The following HMGCLL1 variants were observed in gnomAD, a reference collection of about 807,000 sequenced individuals.
HMGCLL1 encodes 3-hydroxymethyl-3-methylglutaryl-CoA lyase, cytoplasmic.
A neutral mutation model predicts 39.1 loss-of-function variants in HMGCLL1; 36 were observed. The ratio of observed to expected loss-of-function variants is 0.92; its 90% CI spans 0.71 to 1.22. The LOEUF (loss-of-function observed/expected upper bound fraction) is 1.22, where lower values mean the gene tolerates loss of function less well. Ranked by LOEUF, HMGCLL1 falls within the 50% of genes most tolerant of loss-of-function variation. The probability of loss-of-function intolerance (pLI) is 0.00; values close to 1 mark genes in which losing one functional copy is unlikely to be tolerated. For missense variants in HMGCLL1, 451 were observed against 416.5 expected (o/e 1.08, Z -0.72); for synonymous variants, 149 against 144.0 (o/e 1.03, Z -0.25).
the HMGCLL1 span, among the ~76,000 whole-genome samples, chr6:55,613,172 C>T: frequency 6.6e-6 from 1 of 152,102 alleles, no homozygotes; most frequent in East Asian, 1.9e-4. Context: ...GACATTTATG[C>T]AGCCAATAGA....
At chr6:55,617,314 T>C in the HMGCLL1 span, among the ~76,000 whole-genome samples, 1 of 152,056 alleles carries the variant, frequency 6.6e-6, no homozygotes, top group Admixed American at 6.6e-5. Flanking sequence ...ACCAGCTCAT[T>C]TGGGAAGACA....
chr6:55,620,058 A>G, the HMGCLL1 span, among the ~76,000 whole-genome samples: 2 of 152,038 alleles, frequency 1.3e-5, no homozygotes, highest in African/African-American at 4.8e-5. Context: ...GTGTATAAGT[A>G]CCTCCTTTTT....
At chr6:55,527,489 C>T (rs2127446162) in intron 3 of HMGCLL1, among the ~76,000 whole-genome samples, 1 of 152,044 alleles carries the variant, frequency 6.6e-6, no homozygotes, top group Admixed American at 6.6e-5. Flanking sequence ...TAAAGGAAAG[C>T]TAATTGTATT....
At chr6:55,643,944 T>C in the HMGCLL1 span, among the ~76,000 whole-genome samples, 2 of 152,192 alleles carry the variant, frequency 1.3e-5, no homozygotes, top group African/African-American at 2.4e-5. Flanking sequence ...CTGGATCATA[T>C]GGTAGCTTTA....
At chr6:55,617,668 C>T in the HMGCLL1 span, among the ~76,000 whole-genome samples, 1 of 152,082 alleles carries the variant, frequency 6.6e-6, no homozygotes, top group Admixed American at 6.6e-5. Flanking sequence ...CATTTTCATC[C>T]GCTGCTGGTG....
At chr6:55,633,735 A>T in the HMGCLL1 span, among the ~76,000 whole-genome samples, 1 of 152,020 alleles carries the variant, frequency 6.6e-6, no homozygotes, top group Admixed American at 6.6e-5. Context: ...TCACAGCAGG[A>T]ATAATCATCA....
chr6:55,640,601 G>C, the HMGCLL1 span, among the ~76,000 whole-genome samples: 11 of 151,918 alleles, frequency 7.2e-5, no homozygotes, highest in African/African-American at 2.6e-4. Flanking sequence ...AAAGAAAGGA[G>C]AGAGTGATAT....
intron 1 of HMGCLL1, among the ~76,000 whole-genome samples, chr6:55,550,656 A>G (rs1770278700): frequency 6.6e-6 from 1 of 151,808 alleles, no homozygotes; most frequent in East Asian, 1.9e-4. Context: ...GTTGCTGGTT[A>G]ATTTTCAGTT....
At chr6:55,444,326 A>T (rs999002963) in intron 7 of HMGCLL1, among the ~76,000 whole-genome samples, 2 of 152,084 alleles carry the variant, frequency 1.3e-5, no homozygotes, top group Non-Finnish European at 2.9e-5. Context: ...GAAAATAACT[A>T]GATAAAAATA....
the HMGCLL1 span, among the ~76,000 whole-genome samples, chr6:55,598,379 C>T: frequency 6.6e-6 from 1 of 152,150 alleles, no homozygotes; most frequent in African/African-American, 2.4e-5. Flanking sequence ...TAAATGCCAA[C>T]AGTAGTTGAA....
At chr6:55,582,757 C>G (rs530188307), upstream of HMGCLL1, among the ~76,000 whole-genome samples, 63 of 152,116 alleles carry the variant, frequency 4.1e-4, 3 homozygotes, top group South Asian at 0.013. Flanking sequence ...CATTTTATTT[C>G]AGAGAGAAAA....
chr6:55,439,118 C>T (rs1477938595), intron 8 of HMGCLL1, among the ~76,000 whole-genome samples: 1 of 151,986 alleles, frequency 6.6e-6, no homozygotes, highest in South Asian at 2.1e-4. Flanking sequence ...ACTCAACAAT[C>T]GTAACAGCAA....
chr6:55,658,409 C>T, the HMGCLL1 span, among the ~76,000 whole-genome samples: 2 of 151,914 alleles, frequency 1.3e-5, no homozygotes, highest in Non-Finnish European at 2.9e-5. Flanking sequence ...GAAACAACAT[C>T]CTCCACCCCC....
intron 7 of HMGCLL1, among the ~76,000 whole-genome samples, chr6:55,481,850 C>T (rs1293754212): frequency 6.6e-6 from 1 of 151,946 alleles, no homozygotes; most frequent in Non-Finnish European, 1.5e-5. Context: ...GCACCAAGAC[C>T]TAAGGGTAAA....
At chr6:55,449,932 C>A (rs1167731463) in intron 7 of HMGCLL1, among the ~76,000 whole-genome samples, 2 of 132,232 alleles carry the variant, frequency 1.5e-5, no homozygotes, top group Non-Finnish European at 3.2e-5. Flanking sequence ...TTTTTTTTTA[C>A]TTTAGTTAGT....
chr6:55,523,748 C>T (rs9791304), intron 3 of HMGCLL1, among the ~76,000 whole-genome samples: 103,276 of 151,714 alleles, frequency 0.68, 35,196 homozygotes, highest in Admixed American at 0.72. Flanking sequence ...ATGTCCTACA[C>T]TAACTGGCAC....
At chr6:55,452,093 A>C (rs1764119928) in intron 7 of HMGCLL1, among the ~76,000 whole-genome samples, 1 of 152,232 alleles carries the variant, frequency 6.6e-6, no homozygotes, top group Non-Finnish European at 1.5e-5. Flanking sequence ...ATATAGGCCT[A>C]TATATTATAA....
intron 7 of HMGCLL1, among the ~76,000 whole-genome samples, chr6:55,454,680 C>A (rs1163457808): frequency 6.6e-6 from 1 of 152,076 alleles, no homozygotes; most frequent in Non-Finnish European, 1.5e-5. Context: ...CAAGGGAGGA[C>A]TAAGAATGTT....
the HMGCLL1 span, among the ~76,000 whole-genome samples, chr6:55,645,344 T>C: frequency 2.0e-5 from 3 of 151,988 alleles, no homozygotes; most frequent in South Asian, 6.2e-4. Context: ...CCACCTGCAA[T>C]TGAGGATAAT....
Sources: gnomAD v4.1 joint callset for allele counts (sites outside exome capture counted in the v4.1 genomes callset) on GRCh38, gnomAD v4.1.1 for gene constraint, MANE v1.5 for transcripts, NCBI Gene and HGNC (gene_info 2026-07-23, HGNC 2026-07-21) for gene names.